The following ANO6 variants were observed in gnomAD, a reference collection of about 807,000 sequenced individuals.
ANO6 encodes anoctamin-6.
ANO6 carries 106 observed loss-of-function variants against 117.5 expected under a neutral mutation model. The ratio of observed to expected loss-of-function variants is 0.90; its 90% CI spans 0.77 to 1.06. The LOEUF is 1.06. Among genes scored for constraint, ANO6 ranks in the 50% least tolerant of loss-of-function variants. ANO6 has a pLI of 0.00. For synonymous variants in ANO6, 367 were observed against 385.1 expected (o/e 0.95, Z 0.55); for missense variants, 955 against 1,121.1 (o/e 0.85, Z 2.12).
chr12:45,297,473 A>G (rs144556288), intron 1 of ANO6, among the ~76,000 whole-genome samples: 3 of 152,202 alleles, frequency 2.0e-5, no homozygotes, highest in Admixed American at 6.5e-5. Flanking sequence ...ACTTTGCTGT[A>G]TAGATTTTCT....
intron 1 of ANO6, among the ~76,000 whole-genome samples, chr12:45,271,861 G>C (rs1028907133): frequency 1.3e-5 from 2 of 152,192 alleles, no homozygotes; most frequent in East Asian, 3.8e-4. Context: ...TAGACCCCAA[G>C]ATGTTAAGAT....
intron 1 of ANO6, among the ~76,000 whole-genome samples, chr12:45,287,075 C>T (rs1220126302): frequency 6.6e-6 from 1 of 152,152 alleles, no homozygotes; most frequent in Non-Finnish European, 1.5e-5. Flanking sequence ...GATCTCTACT[C>T]TTATGGAACT....
Position 45,304,771 on chromosome 12 carries a change from A to T in ANO6, c.150+2678A>T, listed in dbSNP as rs779396521. On this transcript the variant is annotated intron_variant, in intron 2 of 19. Coordinates refer to ENST00000320560, the MANE Select transcript of ANO6 (RefSeq NM_001025356.3). ...AGACCTAAGAGAACATTGCCAGTTG[A>T]ATAGTCTTGGCCGCTGGCATCATAA... Among the ~76,000 whole-genome samples the T allele has an allele frequency of 1.4e-3, 220 of 152,310 alleles. 1 individual carries two copies. Among genetic ancestry groups the T allele is most frequent in the East Asian group, 7.7e-4 (4 of 5,178 alleles).
chr12:45,370,295 C>T (rs1162798396), intron 9 of ANO6, among the ~76,000 whole-genome samples: 3 of 152,234 alleles, frequency 2.0e-5, no homozygotes, highest in Admixed American at 6.5e-5. Flanking sequence ...GGCAAGAATA[C>T]GAACTTCATC....
At chr12:45,272,754 ACAAAAAT>A (rs1938432142) in intron 1 of ANO6, among the ~76,000 whole-genome samples, 1 of 152,210 alleles carries the variant, frequency 6.6e-6, no homozygotes, top group Non-Finnish European at 1.5e-5. Flanking sequence ...GATTCTAAAA[ACAAAAAT>A]CAAAAATAGA....
chr12:45,346,647 C>A (rs1165365198), intron 3 of ANO6, among the ~76,000 whole-genome samples: 1 of 152,132 alleles, frequency 6.6e-6, no homozygotes, highest in Non-Finnish European at 1.5e-5. Flanking sequence ...TCTGAAAACT[C>A]GTATCAGTGA....
At chr12:45,390,043 C>T (rs996073784) in intron 11 of ANO6, among the ~76,000 whole-genome samples, 1 of 152,182 alleles carries the variant, frequency 6.6e-6, no homozygotes, top group Non-Finnish European at 1.5e-5. Context: ...CTAGTATTTG[C>T]AGACATCTAG....
chr12:45,408,505 G>T (rs1384925578), intron 15 of ANO6, among the ~76,000 whole-genome samples: 2 of 152,214 alleles, frequency 1.3e-5, no homozygotes, highest in Non-Finnish European at 2.9e-5. Context: ...GGGTAGCTCA[G>T]CGGGGCAGTA....
chr12:45,412,139 A>G (rs962656712), intron 16 of ANO6, among the ~76,000 whole-genome samples: 1 of 152,200 alleles, frequency 6.6e-6, no homozygotes, highest in Non-Finnish European at 1.5e-5. Context: ...TTGCTTCTCT[A>G]AGAGTGTTCC....
intron 2 of ANO6, among the ~76,000 whole-genome samples, chr12:45,307,413 C>T (rs375984842): frequency 8.5e-5 from 13 of 152,070 alleles, no homozygotes; most frequent in East Asian, 1.9e-4. Context: ...GTGAGCTGTG[C>T]GAGAAAGAGC....
At chr12:45,265,055 T>C (rs1452356932) in intron 1 of ANO6, among the ~76,000 whole-genome samples, 1 of 152,198 alleles carries the variant, frequency 6.6e-6, no homozygotes, top group Non-Finnish European at 1.5e-5. Context: ...AAGTCTTTTA[T>C]GTTGGCAATT....
intron 12 of ANO6, among the ~76,000 whole-genome samples, chr12:45,394,141 A>G (rs999761569): frequency 8.5e-5 from 13 of 152,312 alleles, no homozygotes; most frequent in African/African-American, 3.1e-4. Context: ...AAATAAAGGG[A>G]TGGAGGAAGA....
intron 1 of ANO6, among the ~76,000 whole-genome samples, chr12:45,281,063 T>C (rs1335988133): frequency 1.3e-5 from 2 of 152,136 alleles, no homozygotes; most frequent in Non-Finnish European, 2.9e-5. Context: ...AACGTGTGTA[T>C]GTGTATATGT....
At chr12:45,364,445 T>G (rs1341839763) in intron 8 of ANO6, among the ~76,000 whole-genome samples, 4 of 152,214 alleles carry the variant, frequency 2.6e-5, no homozygotes, top group Non-Finnish European at 4.4e-5. Context: ...GTTGGTATAT[T>G]TGATGGTATC....
chr12:45,354,683 G>A (rs1398990492), intron 7 of ANO6, among the ~76,000 whole-genome samples: 1 of 152,162 alleles, frequency 6.6e-6, no homozygotes, highest in East Asian at 1.9e-4. Context: ...TTGCTGATAA[G>A]TACACAGAAA....
At chr12:45,435,379 C>A (rs1160832559), downstream of ANO6, among the ~76,000 whole-genome samples, 1 of 152,210 alleles carries the variant, frequency 6.6e-6, no homozygotes, top group African/African-American at 2.4e-5. Flanking sequence ...CTCAGTGCAG[C>A]CCAGTTTCTG....
intron 1 of ANO6, among the ~76,000 whole-genome samples, chr12:45,249,277 G>A (rs1947868676): frequency 6.6e-6 from 1 of 152,148 alleles, no homozygotes; most frequent in African/African-American, 2.4e-5. Context: ...GAAATAGTAT[G>A]TTACACAGGA....
At chr12:45,328,968 A>G (rs1250941401) in intron 2 of ANO6, among the ~76,000 whole-genome samples, 2 of 152,184 alleles carry the variant, frequency 1.3e-5, no homozygotes, top group African/African-American at 2.4e-5. Flanking sequence ...TTGAGAGACC[A>G]TTAACCCAAA....
chr12:45,358,489 C>A (rs1052513167), intron 8 of ANO6, among the ~76,000 whole-genome samples: 1 of 151,332 alleles, frequency 6.6e-6, no homozygotes, highest in Non-Finnish European at 1.5e-5. Flanking sequence ...AAAAAAAAAT[C>A]AAAAATACAT....
Sources: allele counts gnomAD v4.1 joint callset (sites outside exome capture counted in the v4.1 genomes callset), GRCh38; gene constraint gnomAD v4.1.1; transcripts MANE v1.5; gene names NCBI Gene and HGNC (gene_info 2026-07-23, HGNC 2026-07-21).